Variants in KIF2C observed in about 807,000 individuals in gnomAD.
KIF2C encodes the protein kinesin-like protein KIF2C.
A neutral mutation model predicts 97.4 loss-of-function variants in KIF2C; 34 were observed. That is an observed-to-expected ratio of 0.35 (90% CI 0.27 to 0.46). KIF2C has a LOEUF of 0.46. Among genes scored for constraint, KIF2C ranks in the 20% least tolerant of loss-of-function variants. The pLI, the probability that KIF2C is intolerant of heterozygous loss-of-function variation, is 1.00. For missense variants in KIF2C, 750 were observed against 907.6 expected, an observed-to-expected ratio of 0.83 and a Z score of 2.23; for synonymous variants, 313 against 318.2, an observed-to-expected ratio of 0.98 and a Z score of 0.17.
chr1:44,752,133 A>ATTTT (rs1176639607), intron 5 of KIF2C, among the ~76,000 whole-genome samples: 10 of 81,468 alleles, frequency 1.2e-4, no homozygotes, highest in South Asian at 3.9e-4. Flanking sequence ...ATTAAATTGA[A>ATTTT]TTTTTTTTTT....
At chr1:44,754,570 A>C (rs968351394) in intron 7 of KIF2C, among the ~76,000 whole-genome samples, 180 bp from the exon 8 acceptor site, 2 of 152,142 alleles carry the variant, frequency 1.3e-5, no homozygotes, top group Non-Finnish European at 2.9e-5. Flanking sequence ...GCGTATGCTT[A>C]GGCCCCTCTG....
At chr1:44,762,278 C>T (rs957434114) in intron 17 of KIF2C, 68 bp from the exon 18 acceptor site, 20 of 1,376,336 alleles carry the variant, frequency 1.5e-5, no homozygotes, top group African/African-American at 1.1e-4. Flanking sequence ...GAAGCCTGGG[C>T]GGTGCCACAT....
At position 44,755,955 on chromosome 1, in the gene KIF2C, T is replaced by C. The variant is rs750711476; in HGVS notation, c.786T>C (p.Cys262=). 1 of 1,614,158 alleles carries C rather than the reference T, an allele frequency of 6.2e-7. No homozygotes were observed. The highest frequency in any genetic ancestry group is 8.5e-7 in the Non-Finnish European group (1 of 1,180,028). ...TCGAAGAGCACAGAATATGTGTCTG[T>C]GTTAGGAAACGCCCACTGAATAAGC... The part of the protein sequence containing the change: ...DPIEEHRICV[C]VRKRPLNKQE... Residue 262 remains cysteine, a synonymous_variant, in exon 9 of 21, where the codon TGT becomes TGC. Coordinates refer to ENST00000372224, the MANE Select transcript of KIF2C (RefSeq NM_006845.4).
At chr1:44,757,466 G>C in intron 10 of KIF2C, 90 bp from the exon 11 acceptor site, 1 of 835,252 alleles carries the variant, frequency 1.2e-6, no homozygotes, top group Non-Finnish European at 2.1e-6. Context: ...AGGAGGAATC[G>C]ACCCTAGAAC....
At chr1:44,766,203 G>C (rs1650455940) in intron 19 of KIF2C, among the ~76,000 whole-genome samples, 1 of 152,160 alleles carries the variant, frequency 6.6e-6, no homozygotes, top group Admixed American at 6.6e-5. Context: ...ACTCCAGCCT[G>C]GGTGACAGAG....
intron 19 of KIF2C, 146 bp downstream of exon 19, chr1:44,762,804 T>C (rs981201450): frequency 1.3e-5 from 8 of 599,418 alleles, no homozygotes; most frequent in African/African-American, 7.4e-5. Context: ...CTTTAATTCT[T>C]TGCCTGTTAA....
intron 19 of KIF2C, 152 bp downstream of exon 19, chr1:44,762,810 G>A (rs1340715014): frequency 6.7e-6 from 4 of 594,306 alleles, no homozygotes; most frequent in South Asian, 5.9e-5. Flanking sequence ...TTCTTTGCCT[G>A]TTAACCCAGC....
chr1:44,759,862 T>G (rs1013640002), intron 14 of KIF2C, among the ~76,000 whole-genome samples: 1 of 152,074 alleles, frequency 6.6e-6, no homozygotes, highest in African/African-American at 2.4e-5. Context: ...GGGGAGCACT[T>G]TTCCACTAGG....
intron 10 of KIF2C, 90 bp from the exon 11 acceptor site, chr1:44,757,466 G>T (rs1029969556): frequency 1.3e-5 from 11 of 835,132 alleles, no homozygotes; most frequent in Non-Finnish European, 1.9e-5. Context: ...AGGAGGAATC[G>T]ACCCTAGAAC....
At chr1:44,766,671 T>A (rs1467880415) in intron 19 of KIF2C, among the ~76,000 whole-genome samples, 155 bp from the exon 20 acceptor site, 1 of 152,134 alleles carries the variant, frequency 6.6e-6, no homozygotes, top group Non-Finnish European at 1.5e-5. Flanking sequence ...GAATTCAAGC[T>A]AAGGATTTCC....
At chr1:44,742,259 G>A (rs1053151419) in intron 2 of KIF2C, among the ~76,000 whole-genome samples, 5 of 151,876 alleles carry the variant, frequency 3.3e-5, no homozygotes, top group Non-Finnish European at 7.4e-5. Context: ...ACAGGTGCCC[G>A]CCACTACGCC....
intron 2 of KIF2C, among the ~76,000 whole-genome samples, chr1:44,743,550 A>C (rs1233644630): frequency 9.2e-5 from 14 of 152,306 alleles, no homozygotes; most frequent in Non-Finnish European, 4.4e-5. Context: ...GCACTTTGGG[A>C]GGCTGAGGCA....
At chr1:44,756,544 CTTTTTTTTT>C (rs67641740) in intron 10 of KIF2C, among the ~76,000 whole-genome samples, 2 of 65,244 alleles carry the variant, frequency 3.1e-5, no homozygotes, top group Non-Finnish European at 5.3e-5. Context: ...GCTCTATCTG[CTTTTTTTTT>C]TTTTTTTTTT....
In KIF2C at chr1:44,759,189, C is replaced by A. The variant is rs771188687; in HGVS notation, c.1225-17C>A. ...GGTGCCCAGTGGCCTTAGCCTCATT[C>A]CCCCTGCCTGGCACAGCTGTTTGAC... is the stretch of plus-strand genomic sequence containing the variant. On this transcript the variant is annotated splice_polypyrimidine_tract_variant and intron_variant, in intron 13 of 20. Coordinates refer to ENST00000372224, the MANE Select transcript of KIF2C (RefSeq NM_006845.4). 4 of 1,613,392 alleles carry A rather than the reference C, an allele frequency of 2.5e-6. No homozygotes were observed. In the Admixed American group the frequency reaches 6.7e-5, roughly 27 times the overall value.
intron 19 of KIF2C, among the ~76,000 whole-genome samples, chr1:44,763,850 G>A (rs568497428): frequency 9.2e-4 from 140 of 152,132 alleles, no homozygotes; most frequent in African/African-American, 3.2e-3. Context: ...CCTGGCCAAC[G>A]TGGCGAAACC....
At chr1:44,741,509 A>G (rs1278535736) in intron 2 of KIF2C, among the ~76,000 whole-genome samples, 2 of 151,900 alleles carry the variant, frequency 1.3e-5, no homozygotes, top group Non-Finnish European at 2.9e-5. Flanking sequence ...AAATGTTGAG[A>G]CCTTGTCTCT....
chr1:44,746,541 G>A, intron 2 of KIF2C: 3 of 1,346,266 alleles, frequency 2.2e-6, no homozygotes, highest in Non-Finnish European at 2.8e-6. Context: ...CAGACAGTTA[G>A]AACTTGTTTC....
At chr1:44,753,097 T>A (rs1649613795) in intron 5 of KIF2C, 35 bp from the exon 6 acceptor site, 1 of 1,593,392 alleles carries the variant, frequency 6.3e-7, no homozygotes, top group Non-Finnish European at 8.6e-7. Flanking sequence ...GTGGTATACT[T>A]GCCTGCTTCT....
chr1:44,764,608 C>G (rs1188100890), intron 19 of KIF2C, among the ~76,000 whole-genome samples: 3 of 151,974 alleles, frequency 2.0e-5, no homozygotes, highest in Non-Finnish European at 4.4e-5. Context: ...CTCCCAGGTT[C>G]AAGCAATTCT....
Sources: allele counts gnomAD v4.1 joint callset (sites outside exome capture counted in the v4.1 genomes callset), GRCh38; gene constraint gnomAD v4.1.1; transcripts MANE v1.5; gene names NCBI Gene and HGNC (gene_info 2026-07-23, HGNC 2026-07-21).